MYO1E: variants seen among roughly 807,000 people sequenced by gnomAD.
MYO1E encodes unconventional myosin-Ie.
A neutral mutation model predicts 151.1 loss-of-function variants in MYO1E; 68 were observed. That is an observed-to-expected ratio of 0.45 (90% CI 0.37 to 0.55). The LOEUF is 0.55. Among genes scored for constraint, MYO1E ranks in the 20% least tolerant of loss-of-function variants. The pLI, the probability that MYO1E is intolerant of heterozygous loss-of-function variation, is 0.00. For synonymous variants in MYO1E, 601 were observed against 501.7 expected (o/e 1.20, Z -2.64); for missense variants, 1,363 against 1,389.3 (o/e 0.98, Z 0.30).
At chr15:59,276,633 G>A (rs2080320835) in intron 1 of MYO1E, among the ~76,000 whole-genome samples, 1 of 152,136 alleles carries the variant, frequency 6.6e-6, no homozygotes, top group African/African-American at 2.4e-5. Flanking sequence ...GGAAAGTAGG[G>A]TACGCCCCTA....
intron 1 of MYO1E, among the ~76,000 whole-genome samples, chr15:59,370,678 G>A (rs2080939637): frequency 6.6e-6 from 1 of 152,178 alleles, no homozygotes; most frequent in East Asian, 1.9e-4. Flanking sequence ...CAATGGGGCT[G>A]AATTAAGCAT....
intron 18 of MYO1E, among the ~76,000 whole-genome samples, chr15:59,182,828 C>T (rs1384845891): frequency 6.6e-6 from 1 of 152,148 alleles, no homozygotes. Context: ...GGGTCCCTTA[C>T]ACCAGCCAAT....
intron 1 of MYO1E, among the ~76,000 whole-genome samples, chr15:59,312,265 A>T (rs566396319): frequency 2.8e-4 from 42 of 152,212 alleles, no homozygotes; most frequent in Non-Finnish European, 4.6e-4. Context: ...ACTACAAGGC[A>T]ACAAAAGAAA....
rs532794951 is a variant in MYO1E at position 59,357,426 on chromosome 15, CT to C, written c.3+15071del. On this transcript the variant is annotated intron_variant, in intron 1 of 27. Coordinates refer to ENST00000288235, the MANE Select transcript of MYO1E (RefSeq NM_004998.4). ...CATGAGATTTTGAAGAAGGAGATAA[CT>C]TTTTTTTTTTTTTTTTGAGACGAGT... Among the ~76,000 whole-genome samples the C allele has an allele frequency of 6.1e-3, 838 of 136,964 alleles. 1 individual carries two copies. Among genetic ancestry groups the C allele is most frequent in the African/African-American group, 8.2e-3 (305 of 37,072 alleles). The allele number at this position is 136,964 out of a possible 152,430, so 89.9% of individuals were successfully genotyped here. A position where few individuals can be genotyped will look rare whatever the true frequency, so the allele number is the denominator to read the frequency against.
intron 1 of MYO1E, among the ~76,000 whole-genome samples, chr15:59,353,771 AAC>A (rs1555422250): frequency 6.9e-6 from 1 of 144,770 alleles, no homozygotes; most frequent in Non-Finnish European, 1.5e-5. Flanking sequence ...AAAAAAAAAA[AAC>A]AAAGAAAGAA....
At chr15:59,295,296 G>A (rs1421592061) in intron 1 of MYO1E, among the ~76,000 whole-genome samples, 1 of 152,004 alleles carries the variant, frequency 6.6e-6, no homozygotes, top group African/African-American at 2.4e-5. Context: ...GAGAGTAAAG[G>A]CATGGACGAG....
chr15:59,151,595 G>A (rs1596343001), intron 26 of MYO1E, among the ~76,000 whole-genome samples: 2 of 152,290 alleles, frequency 1.3e-5, no homozygotes, highest in East Asian at 3.9e-4. Context: ...GCCAAGGCAG[G>A]AAAAACATCA....
chr15:59,282,769 G>C (rs115841328), intron 1 of MYO1E, among the ~76,000 whole-genome samples: 1 of 148,128 alleles, frequency 6.8e-6, no homozygotes, highest in African/African-American at 2.5e-5. Flanking sequence ...GATCGCTTAA[G>C]CTCAGGAGGT....
In MYO1E at chr15:59,158,293, G is replaced by T. The variant is rs1428447035; in HGVS notation, c.2872C>A (p.Pro958Thr). The stretch of plus-strand genomic sequence containing the variant: ...CGGTACGTAGCTGGCTTACCTGGGG[G>T]AGGAGGGGCAGCTCTCACTGGGTAG... The part of the protein sequence containing the change: ...ANYPVRAAPP[P>T]PGYHQNGVIR... The change falls in exon 25 of 28, where the codon CCC becomes ACC. Residue 958 changes from proline to threonine, a missense_variant. Physicochemically the swap from Pro to Thr is conservative, Grantham distance 38. Transcript: ENST00000288235. 1.3e-6 allele frequency: 2 copies of T among 1,570,168 alleles called. No homozygotes were observed. Among genetic ancestry groups the T allele is most frequent in the East Asian group, 2.3e-5 (1 of 43,310 alleles).
At chr15:59,185,002 A>C (rs2079687180) in intron 18 of MYO1E, among the ~76,000 whole-genome samples, 1 of 152,154 alleles carries the variant, frequency 6.6e-6, no homozygotes, top group South Asian at 2.1e-4. Context: ...GAGATATCGC[A>C]CTGTAGTTTT....
At chr15:59,244,736 C>G (rs1478125780) in intron 4 of MYO1E, among the ~76,000 whole-genome samples, 1 of 152,182 alleles carries the variant, frequency 6.6e-6, no homozygotes, top group Non-Finnish European at 1.5e-5. Context: ...CTCTTTGAGA[C>G]TCAGTTTCTT....
In MYO1E at chr15:59,256,191, A is replaced by G. The variant is rs768116416; in HGVS notation, c.332+93T>C. Reference sequence around the variant, plus strand: ...ACATTAACCAGGCTGTGACATCAGTAGCTGTTGCAAAACCACTGCTTATCG... The same window carrying G: ...ACATTAACCAGGCTGTGACATCAGTGGCTGTTGCAAAACCACTGCTTATCG... On this transcript the variant is annotated intron_variant, in intron 4 of 27. Coordinates refer to ENST00000288235, the MANE Select transcript of MYO1E (RefSeq NM_004998.4). The G allele has an allele frequency of 1.1e-4, 101 of 902,092 alleles. 1 individual carries two copies. Among genetic ancestry groups the G allele is most frequent in the Non-Finnish European group, 1.6e-5 (9 of 546,940 alleles). The allele number at this position is 902,092 out of a possible 1,614,324, so 55.9% of individuals were successfully genotyped here. A position where few individuals can be genotyped will look rare whatever the true frequency, so the allele number is the denominator to read the frequency against.
chr15:59,262,762 T>C (rs1328258582), intron 2 of MYO1E, among the ~76,000 whole-genome samples: 2 of 152,194 alleles, frequency 1.3e-5, no homozygotes, highest in Non-Finnish European at 2.9e-5. Context: ...GAATACAAGA[T>C]GGCCTCTCAG....
intron 1 of MYO1E, among the ~76,000 whole-genome samples, chr15:59,363,787 C>G (rs1190916406): frequency 1.3e-5 from 2 of 152,092 alleles, no homozygotes; most frequent in African/African-American, 4.8e-5. Flanking sequence ...ACTAATTCAT[C>G]TTTTTGGAGA....
intron 2 of MYO1E, among the ~76,000 whole-genome samples, chr15:59,269,178 C>T (rs1477632763): frequency 6.6e-6 from 1 of 152,174 alleles, no homozygotes; most frequent in African/African-American, 2.4e-5. Flanking sequence ...GAAGCACTTA[C>T]ACACCTGCAT....
chr15:59,315,801 A>T (rs1450853941), intron 1 of MYO1E, among the ~76,000 whole-genome samples: 2 of 152,338 alleles, frequency 1.3e-5, no homozygotes, highest in East Asian at 3.9e-4. Flanking sequence ...GCTGTTAATA[A>T]AAATATTAAA....
intron 5 of MYO1E, among the ~76,000 whole-genome samples, chr15:59,233,661 TAAA>T (rs11285934): frequency 7.7e-5 from 6 of 78,388 alleles, no homozygotes; most frequent in African/African-American, 2.4e-4. Flanking sequence ...AGACTCCGTC[TAAA>T]AAAAAAAAAA....
chr15:59,173,690 A>G lies in MYO1E; in HGVS notation c.2334+56T>C, dbSNP rs1210424503. ...AACAACAAAAGCAAAATAACAAGTT[A>G]TTAAAAAAATAAGGAATCTGTTTGG... On this transcript the variant is annotated intron_variant, in intron 21 of 27. Coordinates refer to ENST00000288235, the MANE Select transcript of MYO1E (RefSeq NM_004998.4). The G allele has an allele frequency of 1.9e-6, 3 of 1,594,332 alleles. No homozygotes were observed. The African/African-American group carries it at 4.0e-5, about 21-fold the overall frequency.
At chr15:59,227,834 C>G (rs1390914265) in intron 6 of MYO1E, among the ~76,000 whole-genome samples, 1 of 152,156 alleles carries the variant, frequency 6.6e-6, no homozygotes, top group South Asian at 2.1e-4. Flanking sequence ...AGGATATGCT[C>G]TATTCCTTGC....
Sources: gnomAD v4.1 joint callset for allele counts (sites outside exome capture counted in the v4.1 genomes callset) on GRCh38, gnomAD v4.1.1 for gene constraint, MANE v1.5 for transcripts, NCBI Gene and HGNC (gene_info 2026-07-23, HGNC 2026-07-21) for gene names.